Variants in SOHLH2 observed in about 807,000 individuals in gnomAD.
SOHLH2 encodes the protein spermatogenesis- and oogenesis-specific basic helix-loop-helix-containing protein 2.
Under a neutral mutation model 50.4 loss-of-function variants are expected in SOHLH2, and 22 were observed. That is an observed-to-expected ratio of 0.44 (90% CI 0.31 to 0.62). The LOEUF (loss-of-function observed/expected upper bound fraction) is 0.62, where lower values mean the gene tolerates loss of function less well. Among genes scored for constraint, SOHLH2 ranks in the 20% least tolerant of loss-of-function variants. The pLI is 0.08. For missense variants in SOHLH2, 412 were observed against 504.4 expected, an observed-to-expected ratio of 0.82 and a Z score of 1.76; for synonymous variants, 185 against 187.3, an observed-to-expected ratio of 0.99 and a Z score of 0.10.
At chr13:36,181,196 A>G (rs1796556120) in intron 6 of SOHLH2, among the ~76,000 whole-genome samples, 1 of 152,028 alleles carries the variant, frequency 6.6e-6, no homozygotes, top group African/African-American at 2.4e-5. Context: ...ACTTTCTTAT[A>G]CTTCCTGTTT....
intron 1 of SOHLH2, among the ~76,000 whole-genome samples, chr13:36,204,311 C>A (rs1270636495): frequency 1.3e-5 from 2 of 152,122 alleles, no homozygotes. Context: ...AGTAACAAAT[C>A]TACTGTTTCC....
intron 1 of SOHLH2, among the ~76,000 whole-genome samples, chr13:36,206,055 A>AT (rs1566046859): frequency 6.6e-6 from 1 of 151,872 alleles, no homozygotes; most frequent in Non-Finnish European, 1.5e-5. Context: ...ATAAATGTTT[A>AT]TTTTTTTCTT....
intron 9 of SOHLH2, 24 bp from the exon 10 acceptor site, chr13:36,170,811 A>G (rs1397207049): frequency 5.6e-6 from 9 of 1,603,646 alleles, no homozygotes; most frequent in Non-Finnish European, 7.7e-6. Context: ...GAAAACAAAT[A>G]TGGGTCAGTA....
At chr13:36,194,088 C>T (rs951736870) in intron 2 of SOHLH2, among the ~76,000 whole-genome samples, 4 of 149,816 alleles carry the variant, frequency 2.7e-5, no homozygotes, top group Admixed American at 1.3e-4. Context: ...AAAGCCTAAA[C>T]TTTATCCAAA....
intron 6 of SOHLH2, among the ~76,000 whole-genome samples, chr13:36,189,323 T>C (rs1200898230): frequency 6.6e-6 from 1 of 152,156 alleles, no homozygotes; most frequent in Non-Finnish European, 1.5e-5. Context: ...AGGTTATAAT[T>C]TGAATTTCAT....
intron 6 of SOHLH2, among the ~76,000 whole-genome samples, chr13:36,186,502 C>T (rs1887424325): frequency 6.6e-6 from 1 of 152,128 alleles, no homozygotes; most frequent in Non-Finnish European, 1.5e-5. Flanking sequence ...TTCTACCTTT[C>T]TTGAATCTTT....
At chr13:36,214,377 G>T in intron 1 of SOHLH2, 102 bp downstream of exon 1, 5 of 1,396,826 alleles carry the variant, frequency 3.6e-6, no homozygotes, top group South Asian at 2.6e-5. Flanking sequence ...CCCCGACAAT[G>T]AGAGCTCCCC....
chr13:36,178,817 TTTG>T (rs1339414440), intron 6 of SOHLH2, among the ~76,000 whole-genome samples: 24 of 147,584 alleles, frequency 1.6e-4, no homozygotes, highest in African/African-American at 5.4e-4. Flanking sequence ...GTACAGATCA[TTTG>T]TTTTTTTTTT....
intron 1 of SOHLH2, among the ~76,000 whole-genome samples, chr13:36,208,322 T>A (rs1868905672): frequency 6.6e-6 from 1 of 152,236 alleles, no homozygotes; most frequent in African/African-American, 2.4e-5. Context: ...TCCTTTTCCC[T>A]CATTTACTTA....
intron 6 of SOHLH2, among the ~76,000 whole-genome samples, chr13:36,175,918 T>C (rs1030435449): frequency 6.6e-6 from 1 of 152,172 alleles, no homozygotes; most frequent in African/African-American, 2.4e-5. Context: ...GACATGGTTC[T>C]TCCACTTACA....
chr13:36,189,174 TATC>T (rs1327565741), intron 6 of SOHLH2, among the ~76,000 whole-genome samples: 1 of 152,042 alleles, frequency 6.6e-6, no homozygotes, highest in East Asian at 1.9e-4. Flanking sequence ...CTCAGGAAAT[TATC>T]ATTTCTTATT....
Position 36,214,476 on chromosome 13 carries a change from T to C in SOHLH2, c.48+3A>G, listed in dbSNP as rs1593968126. 1 of 1,612,512 alleles carries C rather than the reference T, an allele frequency of 6.2e-7. No individual in the cohort carries two copies. Among genetic ancestry groups the C allele is most frequent in the Non-Finnish European group, 8.5e-7 (1 of 1,179,324 alleles). On this transcript the variant is annotated splice_donor_region_variant and intron_variant, in intron 1 of 10. Transcript: ENST00000379881. ...AGCTGCCTCCCCTTCCACAGCCTCTTACCTGGCCCGAGATCTGGCAGTGCT... is the reference window on the plus strand; with the variant it reads ...AGCTGCCTCCCCTTCCACAGCCTCTCACCTGGCCCGAGATCTGGCAGTGCT...
chr13:36,206,544 A>T (rs893540389), intron 1 of SOHLH2, among the ~76,000 whole-genome samples: 1 of 152,046 alleles, frequency 6.6e-6, no homozygotes, highest in African/African-American at 2.4e-5. Flanking sequence ...GTCAACAATG[A>T]ATGTGTCCTG....
chr13:36,210,318 T>C (rs888933573), intron 1 of SOHLH2, among the ~76,000 whole-genome samples: 1 of 152,198 alleles, frequency 6.6e-6, no homozygotes, highest in African/African-American at 2.4e-5. Flanking sequence ...GCCTGGACTA[T>C]CACTAAAATT....
intron 9 of SOHLH2, among the ~76,000 whole-genome samples, chr13:36,171,863 A>T (rs191639000): frequency 1.2e-4 from 18 of 152,346 alleles, no homozygotes; most frequent in African/African-American, 4.3e-4. Context: ...TATGTATGAC[A>T]CAAAGTTAAG....
intron 8 of SOHLH2, 131 bp downstream of exon 8, chr13:36,174,345 A>G (rs541324012): frequency 3.1e-5 from 36 of 1,148,658 alleles, no homozygotes; most frequent in South Asian, 1.7e-4. Context: ...ATCGGCAATT[A>G]GAAAAGTTCG....
chr13:36,201,154 C>T (rs2149425), intron 2 of SOHLH2, among the ~76,000 whole-genome samples: 5,268 of 151,636 alleles, frequency 0.035, 113 homozygotes, highest in South Asian at 0.11. Flanking sequence ...CCCAGTGAAT[C>T]CAGAAGGCCC....
In SOHLH2 at chr13:36,175,196, A is replaced by G. The variant is rs533434232; in HGVS notation, c.642-327T>C. ...AGTCACCGAGGAAAGCACCCTTCCC[A>G]CCCCCTGCTGCCTACGGAAATGTGC... On this transcript the variant is annotated intron_variant, in intron 6 of 10. Transcript: ENST00000379881. Among the ~76,000 whole-genome samples, 213 of 152,080 alleles carry G rather than the reference A, an allele frequency of 1.4e-3. 1 individual carries two copies. Among genetic ancestry groups the G allele is most frequent in the African/African-American group, 4.8e-3 (197 of 41,472 alleles).
intron 5 of SOHLH2, 136 bp downstream of exon 5, chr13:36,191,659 C>T (rs1046345469): frequency 1.3e-5 from 12 of 955,208 alleles, no homozygotes; most frequent in Non-Finnish European, 1.7e-5. Context: ...AAGTTGAATA[C>T]TTCTGTAATG....
Sources: gnomAD v4.1 joint callset for allele counts (sites outside exome capture counted in the v4.1 genomes callset) on GRCh38, gnomAD v4.1.1 for gene constraint, MANE v1.5 for transcripts, NCBI Gene and HGNC (gene_info 2026-07-23, HGNC 2026-07-21) for gene names.